Variants in EBI3 observed in about 807,000 individuals in gnomAD.
The protein encoded by EBI3 is interleukin-27 subunit beta.
A neutral mutation model predicts 21.3 loss-of-function variants in EBI3; 19 were observed. That is an observed-to-expected ratio of 0.89 (90% confidence interval 0.62 to 1.31). The LOEUF (loss-of-function observed/expected upper bound fraction) is 1.31, where lower values mean the gene tolerates loss of function less well. EBI3 is among the 50% of genes most tolerant of loss of function. The pLI, the probability that EBI3 is intolerant of heterozygous loss-of-function variation, is 0.00. For missense variants in EBI3, 331 were observed against 314.0 expected (o/e 1.05, Z -0.41); for synonymous variants, 154 against 131.2 (o/e 1.17, Z -1.19).
rs1038573717 is a variant in EBI3, at chr19:4,233,037, C to T, written c.201-92C>T. 8 of 1,374,672 alleles carry T rather than the reference C, an allele frequency of 5.8e-6. No individual in the cohort carries two copies. In the Admixed American group the frequency reaches 9.3e-5, roughly 16 times the overall value. The allele number at this position is 1,374,672 out of a possible 1,614,324, so 85.2% of individuals were successfully genotyped here. A position where few individuals can be genotyped will look rare whatever the true frequency, so the allele number is the denominator to read the frequency against. ...ATCCGCTGCCCCCTCCTGTTCCTGC[C>T]TCTCCTTGGGGTCCCGGGTCAGGCC... On this transcript the variant is annotated intron_variant, in intron 2 of 4. Transcript: ENST00000221847.
chr19:4,237,320 G>T lies in EBI3; in HGVS notation c.*232G>T. 2.7e-6 allele frequency: 1 copy of T among 372,328 alleles called. No individual in the cohort carries two copies. The highest frequency in any genetic ancestry group is 4.7e-6 in the Non-Finnish European group (1 of 212,104). 23.1% of individuals were successfully genotyped at this position (372,328 alleles called of 1,614,324 possible). A position where few individuals can be genotyped will look rare whatever the true frequency, so the allele number is the denominator to read the frequency against. On this transcript the variant is annotated 3_prime_UTR_variant, in exon 5 of 5. Coordinates refer to ENST00000221847, the MANE Select transcript of EBI3 (RefSeq NM_005755.3). ...CCTTTACCTTTACCTTTACCACAGTGCAGGGCTGACTGAACTGTCACTGTG... is the reference window on the plus strand; with the variant it reads ...CCTTTACCTTTACCTTTACCACAGTTCAGGGCTGACTGAACTGTCACTGTG...
rs117012916 is a variant in EBI3, at chr19:4,233,038, T to C, written c.201-91T>C. On this transcript the variant is annotated intron_variant, in intron 2 of 4. Transcript: ENST00000221847. ...TCCGCTGCCCCCTCCTGTTCCTGCC[T>C]CTCCTTGGGGTCCCGGGTCAGGCCC... is the stretch of plus-strand genomic sequence containing the variant. 1,095 of 1,374,678 alleles carry C rather than the reference T, an allele frequency of 8.0e-4. 16 individuals are homozygous for C. The East Asian group carries it at 0.025, about 32-fold the overall frequency. 85.2% of individuals were successfully genotyped at this position (1,374,678 alleles called of 1,614,324 possible).
At chr19:4,232,000 G>A (rs184790811) in intron 2 of EBI3, among the ~76,000 whole-genome samples, 125 of 151,914 alleles carry the variant, frequency 8.2e-4, no homozygotes, top group African/African-American at 2.9e-3. Flanking sequence ...GCCGAGGTGG[G>A]CGGATCACAA....
Position 4,233,238 on chromosome 19 carries a change from C to T in EBI3, c.310C>T (p.Leu104Phe), listed in dbSNP as rs1429879117. Residue 104 changes from leucine (L) to phenylalanine (F), a missense_variant, in exon 3 of 5, where the codon CTC becomes TTC. Transcript: ENST00000221847. ...VQLFSMAPYV[L>F]NVTAVHPWGS... ...GCTGTTCTCCATGGCTCCCTACGTG[C>T]TCAATGTCACCGCCGTCCACCCCTG... The T allele has an allele frequency of 2.5e-6, 4 of 1,613,124 alleles. No homozygotes were observed. In the South Asian group the frequency reaches 4.4e-5, roughly 18 times the overall value.
In EBI3 at chr19:4,234,715, G is replaced by A. The variant is rs148162732; in HGVS notation, c.428G>A (p.Arg143His). Residue 143 changes from arginine to histidine, a missense_variant, in exon 4 of 5, where the codon CGC becomes CAC. Coordinates refer to ENST00000221847, the MANE Select transcript of EBI3 (RefSeq NM_005755.3). ...GTGCGCCTAAGCCCCCTCGCTGAGC[G>A]CCAGCTACAGGTGCAGTGGGAGCCT... is the stretch of plus-strand genomic sequence containing the variant. ...EGVRLSPLAERQLQVQWEPPG... is the reference protein window; with the variant it reads ...EGVRLSPLAEHQLQVQWEPPG... 78 of 1,613,976 alleles carry A rather than the reference G, an allele frequency of 4.8e-5. No individual in the cohort carries two copies. Among genetic ancestry groups the A allele is most frequent in the Middle Eastern group, 3.3e-4 (2 of 6,084 alleles).
intron 2 of EBI3, 71 bp from the exon 3 acceptor site, chr19:4,233,058 A>C: frequency 7.1e-7 from 1 of 1,405,578 alleles, no homozygotes; most frequent in East Asian, 2.8e-5. Context: ...GTCCCGGGTC[A>C]GGCCCGGCAG....
rs1970807155 is a variant in EBI3 at position 4,233,225 on chromosome 19, G to A, written c.297G>A (p.Met99Ile). 1 of 1,612,950 alleles carries A rather than the reference G, an allele frequency of 6.2e-7. No homozygotes were observed. The highest frequency in any genetic ancestry group is 8.5e-7 in the Non-Finnish European group (1 of 1,179,906). ...CTITDVQLFS[M>I]APYVLNVTAV... The stretch of plus-strand genomic sequence containing the variant: ...TCACGGATGTCCAGCTGTTCTCCAT[G>A]GCTCCCTACGTGCTCAATGTCACCG... Residue 99 changes from methionine (M) to isoleucine (I), a missense_variant, in exon 3 of 5, where the codon ATG becomes ATA. By Grantham distance (10) the Met-to-Ile change is conservative. Transcript: ENST00000221847.
intron 1 of EBI3, 101 bp downstream of exon 1, chr19:4,229,718 G>A: frequency 2.4e-6 from 3 of 1,246,002 alleles, no homozygotes; most frequent in Non-Finnish European, 3.3e-6. Context: ...ATCCTCCCGT[G>A]CCCAATGGTG....
At chr19:4,233,547 G>A (rs1426212216) in intron 3 of EBI3, among the ~76,000 whole-genome samples, 1 of 151,972 alleles carries the variant, frequency 6.6e-6, no homozygotes, top group Non-Finnish European at 1.5e-5. Flanking sequence ...CCACCAGAGG[G>A]CGCCTGAGAG....
chr19:4,237,218 C>T lies in EBI3; in HGVS notation c.*130C>T, dbSNP rs946171615. 44 of 1,175,846 alleles carry T rather than the reference C, an allele frequency of 3.7e-5. No individual in the cohort carries two copies. The highest frequency in any genetic ancestry group is 4.2e-5 in the Non-Finnish European group (38 of 898,072). 72.8% of individuals were successfully genotyped at this position (1,175,846 alleles called of 1,614,324 possible). A position where few individuals can be genotyped will look rare whatever the true frequency, so the allele number is the denominator to read the frequency against. ...CCTTGCTTTGCTGCTGCTGAGCTGC[C>T]GGGCAACCTCAGATGACCGACTTTT... is the stretch of plus-strand genomic sequence containing the variant. On this transcript the variant is annotated 3_prime_UTR_variant, in exon 5 of 5. Coordinates refer to ENST00000221847, the MANE Select transcript of EBI3 (RefSeq NM_005755.3).
chr19:4,234,261 C>T (rs1329808067), intron 3 of EBI3, among the ~76,000 whole-genome samples: 14 of 152,104 alleles, frequency 9.2e-5, no homozygotes, highest in Non-Finnish European at 5.9e-5. Flanking sequence ...CTGCACTCCC[C>T]AGCTTTCTTC....
Position 4,233,319 on chromosome 19 carries a change from C to T in EBI3, c.379+12C>T, listed in dbSNP as rs188284150. 5,910 of 532,296 alleles carry T rather than the reference C, an allele frequency of 0.011. 13 individuals are homozygous for T. The highest frequency in any genetic ancestry group is 0.019 in the Non-Finnish European group (5,276 of 282,706). The allele number at this position is 532,296 out of a possible 1,614,324, so 33.0% of individuals were successfully genotyped here. A position where few individuals can be genotyped will look rare whatever the true frequency, so the allele number is the denominator to read the frequency against. ...AACAGAGCACATCAGTGAGTGGGGGCGGCAGTGGGGGCGGGGGCGGGGCTG... is the reference window on the plus strand; with the variant it reads ...AACAGAGCACATCAGTGAGTGGGGGTGGCAGTGGGGGCGGGGGCGGGGCTG... On this transcript the variant is annotated intron_variant, in intron 3 of 4. Transcript: ENST00000221847.
chr19:4,237,132 A>G lies in EBI3; in HGVS notation c.*44A>G. ...TCCAGACAGCACCTGGGTCCTCGCC[A>G]CCCTAAGCCCCGGGACACCTGTTGG... is the stretch of plus-strand genomic sequence containing the variant. On this transcript the variant is annotated 3_prime_UTR_variant, in exon 5 of 5. Transcript: ENST00000221847. The G allele has an allele frequency of 7.1e-7, 1 of 1,416,672 alleles. No individual in the cohort carries two copies. Among genetic ancestry groups the G allele is most frequent in the East Asian group, 2.7e-5 (1 of 36,662 alleles). 87.8% of individuals were successfully genotyped at this position (1,416,672 alleles called of 1,614,324 possible). A position where few individuals can be genotyped will look rare whatever the true frequency, so the allele number is the denominator to read the frequency against.
At chr19:4,234,978 A>G (rs1172516403) in intron 4 of EBI3, among the ~76,000 whole-genome samples, 154 bp downstream of exon 4, 1 of 152,142 alleles carries the variant, frequency 6.6e-6, no homozygotes, top group Non-Finnish European at 1.5e-5. Context: ...CTAGGCCTCT[A>G]CCGAAAAGGA....
chr19:4,231,456 G>A, intron 2 of EBI3, 133 bp downstream of exon 2: 1 of 1,300,030 alleles, frequency 7.7e-7, no homozygotes. Flanking sequence ...GGAATTCTAG[G>A]GCGGCCCCGT....
At position 4,234,670 on chromosome 19, in the gene EBI3, A is replaced by G; in HGVS notation, c.383A>G (p.Lys128Arg). The change falls in exon 4 of 5, where the codon AAG becomes AGG. Residue 128 changes from lysine to arginine, a missense_variant. Lys to Arg is a conservative substitution (Grantham distance 26). Coordinates refer to ENST00000221847, the MANE Select transcript of EBI3 (RefSeq NM_005755.3). ...CTGCTTCCTGCTTGTCCGTCAGTCA[A>G]GCCCGACCCTCCAGAAGGCGTGCGC... Reference protein sequence around the residue: ...FVPFITEHIIKPDPPEGVRLS... With the variant: ...FVPFITEHIIRPDPPEGVRLS... 1 of 1,612,672 alleles carries G rather than the reference A, an allele frequency of 6.2e-7. No homozygotes were observed. Among genetic ancestry groups the G allele is most frequent in the Non-Finnish European group, 8.5e-7 (1 of 1,179,068 alleles).
intron 3 of EBI3, among the ~76,000 whole-genome samples, chr19:4,234,426 T>C (rs558466387): frequency 6.6e-6 from 1 of 151,764 alleles, no homozygotes; most frequent in African/African-American, 2.4e-5. Context: ...ATTTGTTGGT[T>C]GAGCCAGGCA....
chr19:4,234,493 G>A (rs1418939861), intron 3 of EBI3, among the ~76,000 whole-genome samples, 174 bp from the exon 4 acceptor site: 1 of 152,164 alleles, frequency 6.6e-6, no homozygotes, highest in African/African-American at 2.4e-5. Context: ...AACCTGGGAG[G>A]CAGAGGTTGT....
chr19:4,233,036 C>A (rs1254540555), intron 2 of EBI3, 93 bp from the exon 3 acceptor site: 3 of 1,368,846 alleles, frequency 2.2e-6, no homozygotes, highest in East Asian at 2.8e-5. Context: ...CCTGTTCCTG[C>A]CTCTCCTTGG....
Sources: gnomAD v4.1 joint callset for allele counts (sites outside exome capture counted in the v4.1 genomes callset) on GRCh38, gnomAD v4.1.1 for gene constraint, MANE v1.5 for transcripts, NCBI Gene and HGNC (gene_info 2026-07-23, HGNC 2026-07-21) for gene names.